Variants in AKAP9 observed in about 807,000 individuals in gnomAD.
AKAP9 encodes the protein A-kinase anchoring protein 9.
AKAP9 carries 311 observed loss-of-function variants against 488.5 expected under a neutral mutation model. That is an observed-to-expected ratio of 0.64 (90% CI 0.58 to 0.70). AKAP9 has a LOEUF of 0.70. Among genes scored for constraint, AKAP9 ranks in the 30% least tolerant of loss-of-function variants. The probability of loss-of-function intolerance (pLI) is 0.00; values close to 1 mark genes in which losing one functional copy is unlikely to be tolerated. For synonymous variants in AKAP9, 1,462 were observed against 1,483.5 expected (o/e 0.99, Z 0.33); for missense variants, 4,215 against 4,374.5 (o/e 0.96, Z 1.03).
intron 1 of AKAP9, among the ~76,000 whole-genome samples, chr7:91,964,888 A>G (rs1794231498): frequency 6.6e-6 from 1 of 152,154 alleles, no homozygotes; most frequent in Non-Finnish European, 1.5e-5. Context: ...TCCTTTTAGA[A>G]TAAATTTACT....
Position 91,942,991 on chromosome 7 carries a change from A to G in AKAP9, c.48+1844A>G, listed in dbSNP as rs372578809. 2.6e-5 allele frequency among the ~76,000 whole-genome samples: 4 copies of G among 152,134 alleles called. 1 individual carries two copies. ...AGGATTGCTTGACACCAGGAGTTCA[A>G]GACCAACCTGGGCAACATAGTGAGA... is the stretch of plus-strand genomic sequence containing the variant. On this transcript the variant is annotated intron_variant, in intron 1 of 49. Coordinates refer to ENST00000356239, the MANE Select transcript of AKAP9 (RefSeq NM_005751.5).
chr7:92,024,772 A>G (rs1802860162), intron 14 of AKAP9, among the ~76,000 whole-genome samples: 1 of 152,188 alleles, frequency 6.6e-6, no homozygotes, highest in Admixed American at 6.5e-5. Flanking sequence ...CTTCCTAGAC[A>G]CTTGCTAGTA....
At chr7:92,037,657 A>G (rs1487426732) in intron 16 of AKAP9, among the ~76,000 whole-genome samples, 2 of 152,232 alleles carry the variant, frequency 1.3e-5, no homozygotes, top group Non-Finnish European at 2.9e-5. Context: ...ATTCAGGATC[A>G]TAGTTGTAGT....
rs748029108 is a variant in AKAP9 at position 92,098,114 on chromosome 7, A to G, written c.10613A>G (p.Gln3538Arg). ...VLPQKASERL[Q>R]FETADDEDFI... ...TTTTTGTCTTTTTCTTGAAGACTAC[A>G]GTTTGAAACAGCAGATGATGAAGAT... Residue 3538 changes from glutamine (Q) to arginine (R), a missense_variant, in exon 43 of 50, where the codon CAG (glutamine) becomes CGG (arginine). Transcript: ENST00000356239. 1.9e-6 allele frequency: 3 copies of G among 1,603,632 alleles called. No individual in the cohort carries two copies. In the East Asian group the frequency reaches 6.7e-5, roughly 36 times the overall value.
At position 91,995,648 on chromosome 7, in the gene AKAP9, G is replaced by A; in HGVS notation, c.778G>A (p.Ala260Thr). 6.2e-7 allele frequency: 1 copy of A among 1,614,156 alleles called. No homozygotes were observed. The highest frequency in any genetic ancestry group is 1.1e-5 in the South Asian group (1 of 91,072). ...TLRNSTHSST[A>T]ADLLQAKQQI... is the part of the protein sequence containing the mutation. ...GAGAAACAGCACTCATAGTAGCACAGCTGCAGACTTACTACAAGCCAAACA... is the reference window on the plus strand; with the variant it reads ...GAGAAACAGCACTCATAGTAGCACAACTGCAGACTTACTACAAGCCAAACA... The change falls in exon 7 of 50, where the codon GCT becomes ACT. Residue 260 changes from alanine to threonine, a missense_variant. By Grantham distance (58) the Ala-to-Thr change is moderately conservative. Around this residue, in one of 5 missense-constraint regions of AKAP9, gnomAD observed 2,361 missense variants for 2,430.0 expected, o/e 0.97. Transcript: ENST00000356239.
chr7:91,978,374 G>A (rs1443310371), intron 2 of AKAP9, among the ~76,000 whole-genome samples: 1 of 152,084 alleles, frequency 6.6e-6, no homozygotes, highest in African/African-American at 2.4e-5. Context: ...TTAGAACTTA[G>A]ACTTGAATGT....
chr7:91,975,927 T>C (rs1795622385), intron 2 of AKAP9, among the ~76,000 whole-genome samples: 1 of 144,658 alleles, frequency 6.9e-6, no homozygotes. Flanking sequence ...GTTTGTTTGT[T>C]TTTTTTTTTT....
Position 92,003,220 on chromosome 7 carries a change from A to G in AKAP9, c.3303A>G (p.Val1101=). 2 of 1,599,172 alleles carry G rather than the reference A, an allele frequency of 1.3e-6. No individual in the cohort carries two copies. Among genetic ancestry groups the G allele is most frequent in the Non-Finnish European group, 1.7e-6 (2 of 1,167,732 alleles). ...ENDKLQKELN[V]LKSEQNDLRL... ...ATAAACTTCAGAAAGAACTCAATGT[A>G]CTTAAATCAGAACAGGTATGTTTAC... Residue 1101 remains valine, a synonymous_variant, in exon 8 of 50, where the codon GTA becomes GTG. Coordinates refer to ENST00000356239, the MANE Select transcript of AKAP9 (RefSeq NM_005751.5).
In AKAP9 at chr7:92,097,057, T is replaced by C; in HGVS notation, c.10098T>C (p.Thr3366=). Residue 3366 remains threonine, a synonymous_variant, in exon 41 of 50, where the codon ACT becomes ACC. Coordinates refer to ENST00000356239, the MANE Select transcript of AKAP9 (RefSeq NM_005751.5). ...GCATAGTAGAATTGTTAAATGAGAC[T>C]GAAAAATATAAACTGGATTCTTTGC... ...HSRIVELLNE[T]EKYKLDSLQT... is the part of the protein sequence containing the mutation. 6.2e-7 allele frequency: 1 copy of C among 1,614,114 alleles called. No homozygotes were observed. The highest frequency in any genetic ancestry group is 8.5e-7 in the Non-Finnish European group (1 of 1,180,018).
intron 24 of AKAP9, among the ~76,000 whole-genome samples, chr7:92,065,001 A>AT (rs899635904): frequency 6.6e-6 from 1 of 151,516 alleles, no homozygotes; most frequent in Non-Finnish European, 1.5e-5. Context: ...GACAGGACAT[A>AT]TTTTTTGTTA....
intron 26 of AKAP9, 24 bp from the exon 27 acceptor site, chr7:92,070,006 A>C (rs772419271): frequency 1.9e-6 from 3 of 1,603,974 alleles, no homozygotes; most frequent in Non-Finnish European, 8.5e-7. Context: ...TTTTAAATTA[A>C]ATTTTTTGCC....
chr7:92,022,246 A>C lies in AKAP9; in HGVS notation c.3846A>C (p.Gly1282=), dbSNP rs1410288190. The stretch of plus-strand genomic sequence containing the variant: ...TCTGTGGTTTTCAATAGATCTGGGG[A>C]CAGCAGACAGATGGTATGAAACTTG... The part of the protein sequence containing the change: ...VLQTRLSKIW[G]QQTDGMKLEF... The change falls in exon 13 of 50, where the codon GGA becomes GGC. Residue 1282 remains glycine, a synonymous_variant. Coordinates refer to ENST00000356239, the MANE Select transcript of AKAP9 (RefSeq NM_005751.5). The C allele has an allele frequency of 6.2e-7, 1 of 1,609,308 alleles. No homozygotes were observed. Among genetic ancestry groups the C allele is most frequent in the South Asian group, 1.1e-5 (1 of 91,002 alleles).
rs937791197 is a variant in AKAP9, at chr7:92,038,687, A to G, written c.4607A>G (p.His1536Arg). ...KEILLSNSDP[H>R]DIPESKDCVL... ...ATTTTATTATCAAATAGTGATCCCC[A>G]TGATATACCAGAATCAAAGGACTGT... is the stretch of plus-strand genomic sequence containing the variant. Residue 1536 changes from histidine to arginine, a missense_variant, in exon 17 of 50, where the codon CAT becomes CGT. His to Arg is a conservative substitution (Grantham distance 29). Coordinates refer to ENST00000356239, the MANE Select transcript of AKAP9 (RefSeq NM_005751.5). 3 of 1,608,090 alleles carry G rather than the reference A, an allele frequency of 1.9e-6. No individual in the cohort carries two copies. The highest frequency in any genetic ancestry group is 2.2e-5 in the East Asian group (1 of 44,792).
rs757225520 is a variant in AKAP9 at position 92,012,456 on chromosome 7, C to T, written c.3346C>T (p.Gln1116Ter). 2.5e-6 allele frequency: 4 copies of T among 1,613,830 alleles called. No individual in the cohort carries two copies. The African/African-American group carries it at 5.3e-5, about 22-fold the overall frequency. ...TGATTTAAGGCTACAGATGGAAGCC[C>T]AACGCATTTGCCTCTCTCTGGTTTA... is the stretch of plus-strand genomic sequence containing the variant. ...QNDLRLQMEA[Q>*]RICLSLVYST... is the part of the protein sequence containing the mutation. Residue 1116 changes from glutamine (Q) to a stop codon, truncating the protein, a stop_gained, in exon 9 of 50, where the codon CAA (glutamine) becomes TAA (stop). Coordinates refer to ENST00000356239, the MANE Select transcript of AKAP9 (RefSeq NM_005751.5). LOFTEE classifies it high-confidence loss of function.
chr7:91,962,177 G>C (rs1231580752), intron 1 of AKAP9, among the ~76,000 whole-genome samples: 3 of 152,094 alleles, frequency 2.0e-5, no homozygotes, highest in African/African-American at 4.8e-5. Flanking sequence ...TTATCTGCTA[G>C]CTTGCCATTT....
intron 3 of AKAP9, among the ~76,000 whole-genome samples, chr7:91,983,823 C>T (rs1192419712): frequency 6.6e-6 from 1 of 152,154 alleles, no homozygotes; most frequent in Admixed American, 6.6e-5. Flanking sequence ...TTTAAATGAT[C>T]GCCATTCTAA....
intron 42 of AKAP9, 47 bp from the exon 43 acceptor site, chr7:92,098,061 AC>A (rs779998894): frequency 8.8e-6 from 11 of 1,253,714 alleles, no homozygotes; most frequent in South Asian, 6.1e-5. Flanking sequence ...GGTAGTAAAC[AC>A]CCCCAATTGA....
chr7:92,053,901 C>A (rs1188194531), intron 22 of AKAP9, among the ~76,000 whole-genome samples: 2 of 152,120 alleles, frequency 1.3e-5, no homozygotes. Context: ...GATTCTGATT[C>A]ACACTAAAGT....
chr7:92,097,056 C>T lies in AKAP9; in HGVS notation c.10097C>T (p.Thr3366Ile). 6.2e-7 allele frequency: 1 copy of T among 1,614,132 alleles called. No individual in the cohort carries two copies. The highest frequency in any genetic ancestry group is 8.5e-7 in the Non-Finnish European group (1 of 1,180,028). ...CGCATAGTAGAATTGTTAAATGAGA[C>T]TGAAAAATATAAACTGGATTCTTTG... ...HSRIVELLNE[T>I]EKYKLDSLQT... The change falls in exon 41 of 50, where the codon ACT becomes ATT. Residue 3366 changes from threonine to isoleucine, a missense_variant. Transcript: ENST00000356239.
Sources: gnomAD v4.1 joint callset for allele counts (sites outside exome capture counted in the v4.1 genomes callset) on GRCh38, gnomAD v4.1.1 for gene constraint, gnomAD v4.1.1 regional missense constraint, MANE v1.5 for transcripts, NCBI Gene and HGNC (gene_info 2026-07-23, HGNC 2026-07-21) for gene names.